The following PLCB1 variants were observed in gnomAD, a reference collection of about 807,000 sequenced individuals.
PLCB1 encodes 1-phosphatidylinositol 4,5-bisphosphate phosphodiesterase beta-1.
PLCB1 carries 46 observed loss-of-function variants against 161.8 expected under a neutral mutation model. That is an observed-to-expected ratio of 0.28 (90% CI 0.22 to 0.36). The LOEUF is 0.36. PLCB1 is among the 10% of genes least tolerant of loss of function. PLCB1 has a pLI of 1.00. For missense variants in PLCB1, 1,016 were observed against 1,472.5 expected, an observed-to-expected ratio of 0.69 and a Z score of 5.07; for synonymous variants, 517 against 503.7, an observed-to-expected ratio of 1.03 and a Z score of -0.35.
At chr20:8,392,800 A>G (rs1987649070) in intron 3 of PLCB1, among the ~76,000 whole-genome samples, 1 of 152,178 alleles carries the variant, frequency 6.6e-6, no homozygotes, top group African/African-American at 2.4e-5. Context: ...AATTCCTTCA[A>G]TGTACCATAA....
At chr20:8,522,997 T>C (rs1326516328) in intron 3 of PLCB1, among the ~76,000 whole-genome samples, 2 of 152,302 alleles carry the variant, frequency 1.3e-5, no homozygotes, top group Admixed American at 1.3e-4. Context: ...GGTTAAGCTA[T>C]CAAATAAAAT....
chr20:8,603,058 TG>T (rs1250448543), intron 3 of PLCB1, among the ~76,000 whole-genome samples: 2 of 152,176 alleles, frequency 1.3e-5, no homozygotes, highest in Non-Finnish European at 2.9e-5. Context: ...TTGCATTATA[TG>T]AAGGACACCG....
At chr20:8,488,811 T>G (rs1252406190) in intron 3 of PLCB1, among the ~76,000 whole-genome samples, 1 of 152,254 alleles carries the variant, frequency 6.6e-6, no homozygotes. Context: ...TTAAACATAG[T>G]AAGACTTCAA....
chr20:8,315,401 T>C (rs1168730826), intron 2 of PLCB1, among the ~76,000 whole-genome samples: 1 of 152,218 alleles, frequency 6.6e-6, no homozygotes. Context: ...ATGGTAATCA[T>C]AAACAGTGGG....
intron 10 of PLCB1, among the ~76,000 whole-genome samples, chr20:8,690,736 C>G (rs921856986): frequency 2.0e-5 from 3 of 152,098 alleles, no homozygotes; most frequent in Non-Finnish European, 4.4e-5. Flanking sequence ...TTGTTTTGGT[C>G]CCCAGGAAAG....
intron 2 of PLCB1, among the ~76,000 whole-genome samples, chr20:8,226,236 C>A (rs1328572785): frequency 6.6e-6 from 1 of 152,178 alleles, no homozygotes; most frequent in African/African-American, 2.4e-5. Flanking sequence ...AACCCCAGAC[C>A]TACTTCTGTC....
At chr20:8,224,222 G>A (rs1369581657) in intron 2 of PLCB1, among the ~76,000 whole-genome samples, 12 of 152,062 alleles carry the variant, frequency 7.9e-5, no homozygotes, top group Admixed American at 7.9e-4. Flanking sequence ...CTGTGGCATC[G>A]GGTAAGTTTC....
intron 2 of PLCB1, among the ~76,000 whole-genome samples, chr20:8,302,350 T>C (rs1983945761): frequency 1.3e-5 from 2 of 152,232 alleles, no homozygotes. Flanking sequence ...GGGGATCTAC[T>C]TCTCTTTCAT....
chr20:8,679,902 G>A (rs780496737), intron 9 of PLCB1, among the ~76,000 whole-genome samples: 1 of 152,118 alleles, frequency 6.6e-6, no homozygotes, highest in Non-Finnish European at 1.5e-5. Flanking sequence ...TCACTCAAAT[G>A]TGGGACATTT....
At chr20:8,214,686 C>T (rs1047140719) in intron 2 of PLCB1, among the ~76,000 whole-genome samples, 1 of 149,364 alleles carries the variant, frequency 6.7e-6, no homozygotes, top group African/African-American at 2.6e-5. Context: ...GAACTAATGT[C>T]TTTTATTTCA....
rs564587922 is a variant in PLCB1 at position 8,190,777 on chromosome 20, A to G, written c.177+40406A>G. Among the ~76,000 whole-genome samples, 8 of 152,244 alleles carry G rather than the reference A, an allele frequency of 5.3e-5. No homozygotes were observed. In the South Asian group the frequency reaches 1.7e-3, roughly 32 times the overall value. On this transcript the variant is annotated intron_variant, in intron 2 of 31. Coordinates refer to ENST00000338037, the MANE Select transcript of PLCB1 (RefSeq NM_015192.4). Reference sequence around the variant, plus strand: ...AGTAACTAGAGGCCTGGAGATGTTCACGTATTCCTCTAAATGCCCTGGTTT... The same window carrying G: ...AGTAACTAGAGGCCTGGAGATGTTCGCGTATTCCTCTAAATGCCCTGGTTT...
intron 3 of PLCB1, among the ~76,000 whole-genome samples, chr20:8,519,675 T>A (rs1984275591): frequency 6.6e-6 from 1 of 152,192 alleles, no homozygotes; most frequent in South Asian, 2.1e-4. Context: ...ATATTCTTAC[T>A]TGAGAAACAC....
intron 3 of PLCB1, among the ~76,000 whole-genome samples, chr20:8,580,801 C>T (rs6140642): frequency 2.6e-5 from 4 of 152,182 alleles, no homozygotes; most frequent in African/African-American, 9.7e-5. Flanking sequence ...AGTCAGAAAG[C>T]TTCAGGGAGG....
chr20:8,284,888 CTGTT>C (rs1475104087), intron 2 of PLCB1, among the ~76,000 whole-genome samples: 1 of 152,040 alleles, frequency 6.6e-6, no homozygotes, highest in East Asian at 1.9e-4. Flanking sequence ...GTCTAAGAAT[CTGTT>C]TGTCTTTTGT....
intron 16 of PLCB1, among the ~76,000 whole-genome samples, chr20:8,726,089 T>A (rs772487687): frequency 6.6e-5 from 10 of 152,084 alleles, no homozygotes; most frequent in Non-Finnish European, 1.0e-4. Flanking sequence ...CTGGAAATCA[T>A]TAAGAAGAAC....
intron 3 of PLCB1, among the ~76,000 whole-genome samples, chr20:8,601,108 G>C (rs1035420578): frequency 3.3e-5 from 5 of 152,148 alleles, no homozygotes; most frequent in African/African-American, 7.2e-5. Context: ...TTCCTATTCG[G>C]CCATCTTGGC....
At chr20:8,530,299 C>T (rs1026226645) in intron 3 of PLCB1, among the ~76,000 whole-genome samples, 1 of 152,034 alleles carries the variant, frequency 6.6e-6, no homozygotes, top group African/African-American at 2.4e-5. Context: ...GCAGCATTCC[C>T]TAACTTCAAG....
At chr20:8,225,654 G>C (rs996024623) in intron 2 of PLCB1, among the ~76,000 whole-genome samples, 1 of 152,176 alleles carries the variant, frequency 6.6e-6, no homozygotes, top group Non-Finnish European at 1.5e-5. Context: ...TACCTGCCAA[G>C]TGGCAGGCAC....
chr20:8,237,506 G>A (rs573300577), intron 2 of PLCB1, among the ~76,000 whole-genome samples: 1 of 152,092 alleles, frequency 6.6e-6, no homozygotes, highest in South Asian at 2.1e-4. Context: ...CCTCACATTT[G>A]CAAGTGTTTT....
Sources: gnomAD v4.1 joint callset for allele counts (sites outside exome capture counted in the v4.1 genomes callset) on GRCh38, gnomAD v4.1.1 for gene constraint, MANE v1.5 for transcripts, NCBI Gene and HGNC (gene_info 2026-07-23, HGNC 2026-07-21) for gene names.